Variants in BMPR1A observed in about 807,000 individuals in gnomAD.
BMPR1A encodes bone morphogenetic protein receptor type-1A.
BMPR1A carries 7 observed loss-of-function variants against 66.0 expected under a neutral mutation model. The ratio of observed to expected loss-of-function variants is 0.11; its 90% CI spans 0.06 to 0.20. The LOEUF (loss-of-function observed/expected upper bound fraction) is 0.20, where lower values mean the gene tolerates loss of function less well. Ranked by LOEUF, BMPR1A falls within the 10% of genes least tolerant of loss-of-function variation. BMPR1A has a pLI of 1.00. For missense variants in BMPR1A, 408 were observed against 669.1 expected, an observed-to-expected ratio of 0.61 and a Z score of 4.31; for synonymous variants, 200 against 229.7, an observed-to-expected ratio of 0.87 and a Z score of 1.17.
At chr10:86,863,633 C>T (rs1459349811) in intron 2 of BMPR1A, among the ~76,000 whole-genome samples, 1 of 152,168 alleles carries the variant, frequency 6.6e-6, no homozygotes, top group Non-Finnish European at 1.5e-5. Flanking sequence ...GGTTCTCCTT[C>T]TGGGCCCAAC....
intron 2 of BMPR1A, among the ~76,000 whole-genome samples, chr10:86,863,698 AC>A (rs1285293688): frequency 1.3e-5 from 2 of 152,152 alleles, no homozygotes; most frequent in African/African-American, 4.8e-5. Context: ...TGAGAGAGTG[AC>A]TTTGTCACTG....
At chr10:86,894,023 T>C (rs1275420231) in intron 5 of BMPR1A, among the ~76,000 whole-genome samples, 2 of 152,248 alleles carry the variant, frequency 1.3e-5, no homozygotes, top group East Asian at 3.8e-4. Flanking sequence ...TAATTGTCCA[T>C]AATGACCTCA....
intron 1 of BMPR1A, among the ~76,000 whole-genome samples, chr10:86,817,221 C>T (rs1842046873): frequency 6.6e-6 from 1 of 152,212 alleles, no homozygotes; most frequent in Non-Finnish European, 1.5e-5. Context: ...AAAATATACT[C>T]ATCTTGTAAA....
chr10:86,904,384 G>C (rs1843355755), intron 7 of BMPR1A, among the ~76,000 whole-genome samples: 1 of 152,222 alleles, frequency 6.6e-6, no homozygotes, highest in Non-Finnish European at 1.5e-5. Flanking sequence ...GAGGCACAAA[G>C]TTAAGGATGA....
rs1842636956 is a variant in BMPR1A, at chr10:86,856,117, T to C, written c.-153+17138T>C. On this transcript the variant is annotated intron_variant, in intron 2 of 12. Coordinates refer to ENST00000372037, the MANE Select transcript of BMPR1A (RefSeq NM_004329.3). ...TCTTTCAGTAATATCATAGACTTTA[T>C]TGGTTTTGAAATTTTATATTTAATT... The C allele has an allele frequency of 5.7e-6, 3 of 523,854 alleles. No homozygotes were observed. In the Admixed American group the frequency reaches 6.6e-5, roughly 12 times the overall value. 32.5% of individuals were successfully genotyped at this position (523,854 alleles called of 1,614,324 possible).
chr10:86,854,127 A>G, intron 2 of BMPR1A, among the ~76,000 whole-genome samples: 1 of 152,210 alleles, frequency 6.6e-6, no homozygotes, highest in Non-Finnish European at 1.5e-5. Flanking sequence ...CCTTGCTGAG[A>G]AAAAGAATTC....
intron 1 of BMPR1A, among the ~76,000 whole-genome samples, chr10:86,832,465 T>TAATA (rs1842284017): frequency 8.2e-6 from 1 of 122,306 alleles, no homozygotes; most frequent in Non-Finnish European, 1.7e-5. Flanking sequence ...AAACTCCGTC[T>TAATA]AAAAAAAAAA....
chr10:86,778,704 G>A (rs1312734730), intron 1 of BMPR1A, among the ~76,000 whole-genome samples: 1 of 152,056 alleles, frequency 6.6e-6, no homozygotes, highest in African/African-American at 2.4e-5. Flanking sequence ...TATTCCTCCT[G>A]TCTTGCTGTA....
At chr10:86,834,678 A>G (rs117101696) in intron 1 of BMPR1A, among the ~76,000 whole-genome samples, 7,635 of 152,240 alleles carry the variant, frequency 0.05, 266 homozygotes, top group Middle Eastern at 0.088. Context: ...CATGTTTATT[A>G]TAGGGGTGCA....
At chr10:86,803,169 C>G (rs924750692) in intron 1 of BMPR1A, among the ~76,000 whole-genome samples, 4 of 152,198 alleles carry the variant, frequency 2.6e-5, no homozygotes, top group African/African-American at 9.6e-5. Context: ...AGTCACAATT[C>G]TAAAGCACAA....
At chr10:86,836,741 TG>T (rs2133098466) in intron 1 of BMPR1A, among the ~76,000 whole-genome samples, 2 of 152,314 alleles carry the variant, frequency 1.3e-5, no homozygotes, top group South Asian at 4.2e-4. Flanking sequence ...GAGACCAGCC[TG>T]GGCAACACGG....
intron 1 of BMPR1A, among the ~76,000 whole-genome samples, chr10:86,799,469 T>TTC (rs1841775518): frequency 5.8e-5 from 7 of 121,004 alleles, no homozygotes; most frequent in South Asian, 5.5e-4. Flanking sequence ...TTCCTTCCTT[T>TTC]CTTCCTTCCT....
At chr10:86,922,050 C>CT (rs1031898984) in intron 11 of BMPR1A, among the ~76,000 whole-genome samples, 1 of 152,178 alleles carries the variant, frequency 6.6e-6, no homozygotes, top group South Asian at 2.1e-4. Context: ...ACATCCCCCC[C>CT]CATCTGCTGC....
chr10:86,907,026 A>G (rs908017749), intron 7 of BMPR1A, among the ~76,000 whole-genome samples: 3 of 151,542 alleles, frequency 2.0e-5, no homozygotes, highest in Non-Finnish European at 4.4e-5. Context: ...CCTTTCTCAC[A>G]TTCCTGTCTG....
chr10:86,851,853 T>G (rs1842572332), intron 2 of BMPR1A, among the ~76,000 whole-genome samples: 3 of 152,198 alleles, frequency 2.0e-5, no homozygotes, highest in South Asian at 4.1e-4. Context: ...ACAAAAAGTC[T>G]TGCGTTACTA....
intron 1 of BMPR1A, among the ~76,000 whole-genome samples, chr10:86,772,723 AC>A (rs1841283738): frequency 6.6e-6 from 1 of 152,162 alleles, no homozygotes; most frequent in Admixed American, 6.5e-5. Context: ...TGTTCTCTTA[AC>A]AGTCATTTAA....
At chr10:86,896,929 A>C (rs1843231368) in intron 5 of BMPR1A, among the ~76,000 whole-genome samples, 1 of 152,176 alleles carries the variant, frequency 6.6e-6, no homozygotes, top group Non-Finnish European at 1.5e-5. Context: ...CACTCACCCA[A>C]GCACAGCTCT....
At position 86,918,627 on chromosome 10, in the gene BMPR1A, C is replaced by CTT. The variant is rs71802648; in HGVS notation, c.869-532_869-531dup. ...TTTTTCTTTTCTTTCCTTTTCTTTT[C>CTT]TTTTTTTTTTTTTTGAGACGGAGTC... On this transcript the variant is annotated intron_variant, in intron 9 of 12. Coordinates refer to ENST00000372037, the MANE Select transcript of BMPR1A (RefSeq NM_004329.3). Among the ~76,000 whole-genome samples the CTT allele has an allele frequency of 5.4e-3, 760 of 141,430 alleles. 9 individuals are homozygous for CTT. Among genetic ancestry groups the CTT allele is most frequent in the African/African-American group, 0.019 (711 of 38,378 alleles). 92.8% of individuals were successfully genotyped at this position (141,430 alleles called of 152,430 possible).
chr10:86,896,329 T>C (rs914093432), intron 5 of BMPR1A, among the ~76,000 whole-genome samples: 2 of 152,132 alleles, frequency 1.3e-5, no homozygotes, highest in Non-Finnish European at 2.9e-5. Flanking sequence ...AATAACATTT[T>C]CTTAAGTTTG....
Sources: gnomAD v4.1 joint callset for allele counts (sites outside exome capture counted in the v4.1 genomes callset) on GRCh38, gnomAD v4.1.1 for gene constraint, MANE v1.5 for transcripts, NCBI Gene and HGNC (gene_info 2026-07-23, HGNC 2026-07-21) for gene names.